The following AUTS2 variants were observed in gnomAD, a reference collection of about 807,000 sequenced individuals.
The protein encoded by AUTS2 is autism susceptibility gene 2 protein.
A neutral mutation model predicts 112.4 loss-of-function variants in AUTS2; 17 were observed. The ratio of observed to expected loss-of-function variants is 0.15; its 90% confidence interval spans 0.10 to 0.23. The LOEUF is 0.23. AUTS2 is among the 10% of genes least tolerant of loss of function. AUTS2 has a pLI of 1.00. For synonymous variants in AUTS2, 751 were observed against 702.7 expected, an observed-to-expected ratio of 1.07 and a Z score of -1.09; for missense variants, 1,510 against 1,701.6, an observed-to-expected ratio of 0.89 and a Z score of 1.98.
At chr7:69,636,708 A>G (rs1021562758) in intron 1 of AUTS2, among the ~76,000 whole-genome samples, 1 of 152,052 alleles carries the variant, frequency 6.6e-6, no homozygotes, top group Non-Finnish European at 1.5e-5. Flanking sequence ...GTTTTGTAGT[A>G]TGCTTTTTTT....
At chr7:69,847,452 G>A (rs1351084171) in intron 1 of AUTS2, among the ~76,000 whole-genome samples, 1 of 152,198 alleles carries the variant, frequency 6.6e-6, no homozygotes, top group African/African-American at 2.4e-5. Context: ...TGAGTTCAGA[G>A]TGTAACATCT....
At chr7:69,607,946 T>A (rs1462511109) in intron 1 of AUTS2, among the ~76,000 whole-genome samples, 1 of 152,196 alleles carries the variant, frequency 6.6e-6, no homozygotes, top group Non-Finnish European at 1.5e-5. Flanking sequence ...TTTATTTTGT[T>A]TTTTTGAGAC....
intron 5 of AUTS2, among the ~76,000 whole-genome samples, chr7:70,470,770 A>G (rs1797349235): frequency 2.0e-5 from 3 of 152,114 alleles, no homozygotes; most frequent in Admixed American, 2.0e-4. Flanking sequence ...CCCCACCGGG[A>G]GCAGCAGCAT....
intron 4 of AUTS2, among the ~76,000 whole-genome samples, chr7:70,349,121 T>G (rs1296597636): frequency 1.3e-5 from 2 of 152,144 alleles, no homozygotes; most frequent in Non-Finnish European, 2.9e-5. Context: ...ATGAACAAAC[T>G]GAGTCTTGAA....
At chr7:70,478,431 G>C (rs1199659131) in intron 5 of AUTS2, among the ~76,000 whole-genome samples, 2 of 152,034 alleles carry the variant, frequency 1.3e-5, no homozygotes, top group Admixed American at 6.5e-5. Context: ...TTATACTCAG[G>C]GGGTGAGAAT....
intron 5 of AUTS2, among the ~76,000 whole-genome samples, chr7:70,564,677 G>A (rs191115281): frequency 0.01 from 1,584 of 152,286 alleles, 23 homozygotes; most frequent in Middle Eastern, 0.027. Context: ...TTAGTTTCTG[G>A]TGGTTATAAA....
At chr7:70,530,458 T>A (rs1439726855) in intron 5 of AUTS2, among the ~76,000 whole-genome samples, 1 of 152,042 alleles carries the variant, frequency 6.6e-6, no homozygotes. Flanking sequence ...ACAATCATGG[T>A]AGTTAGCATT....
At chr7:70,666,473 AG>A (rs1471141568) in intron 5 of AUTS2, among the ~76,000 whole-genome samples, 1 of 152,160 alleles carries the variant, frequency 6.6e-6, no homozygotes, top group Non-Finnish European at 1.5e-5. Flanking sequence ...CACGACTGGA[AG>A]AAGGCGACAG....
intron 3 of AUTS2, among the ~76,000 whole-genome samples, chr7:70,125,245 ATGTGTGTGTGTGTGTG>A (rs59747508): frequency 0.083 from 12,001 of 144,878 alleles, 618 homozygotes; most frequent in African/African-American, 0.14. Flanking sequence ...TTATTTGGAG[ATGTGTGTGTGTGTGTG>A]TGTGTGTGTG....
intron 5 of AUTS2, among the ~76,000 whole-genome samples, chr7:70,670,974 C>T (rs1807606529): frequency 6.6e-6 from 1 of 152,098 alleles, no homozygotes; most frequent in Non-Finnish European, 1.5e-5. Flanking sequence ...GAGTTCAAGA[C>T]CAGCCTGGCC....
At chr7:69,927,158 C>T (rs1236679421) in intron 2 of AUTS2, among the ~76,000 whole-genome samples, 1 of 145,748 alleles carries the variant, frequency 6.9e-6, no homozygotes, top group South Asian at 2.1e-4. Context: ...TCAAACTTAA[C>T]ATTTGAATGG....
intron 5 of AUTS2, among the ~76,000 whole-genome samples, chr7:70,664,653 G>A (rs1000575869): frequency 6.6e-6 from 1 of 152,212 alleles, no homozygotes; most frequent in Non-Finnish European, 1.5e-5. Context: ...TTCCAGGAGA[G>A]AGAGTCACTG....
chr7:69,994,749 C>G (rs1798873665), intron 2 of AUTS2, among the ~76,000 whole-genome samples: 1 of 152,070 alleles, frequency 6.6e-6, no homozygotes, highest in Non-Finnish European at 1.5e-5. Context: ...GGTAGGCTCC[C>G]CAGGTACACT....
chr7:69,842,784 C>T (rs2129528797), intron 1 of AUTS2, among the ~76,000 whole-genome samples: 1 of 152,260 alleles, frequency 6.6e-6, no homozygotes, highest in South Asian at 2.1e-4. Context: ...AGCAACTGGA[C>T]TTGATTCAGG....
At chr7:70,689,233 C>T (rs901704909) in intron 5 of AUTS2, among the ~76,000 whole-genome samples, 2 of 152,066 alleles carry the variant, frequency 1.3e-5, no homozygotes, top group African/African-American at 2.4e-5. Context: ...TGTTGGTGCA[C>T]ACCTGTGGTC....
chr7:70,290,707 T>G lies in AUTS2; in HGVS notation c.661-145045T>G, dbSNP rs1373128784. ...TTCAGGTATCAGATCCTTTGACAAT[T>G]GTTAACCTGCCCAGCTGGGATTTTT... On this transcript the variant is annotated intron_variant, in intron 4 of 18. Coordinates refer to ENST00000342771, the MANE Select transcript of AUTS2 (RefSeq NM_015570.4). The G allele has an allele frequency of 7.1e-6, 9 of 1,276,546 alleles. No individual in the cohort carries two copies. The East Asian group carries it at 3.0e-4, about 43-fold the overall frequency. 79.1% of individuals were successfully genotyped at this position (1,276,546 alleles called of 1,614,324 possible). A position where few individuals can be genotyped will look rare whatever the true frequency, so the allele number is the denominator to read the frequency against.
chr7:70,667,864 T>G (rs1807425175), intron 5 of AUTS2, among the ~76,000 whole-genome samples: 1 of 152,236 alleles, frequency 6.6e-6, no homozygotes, highest in African/African-American at 2.4e-5. Context: ...ACCATTGCGG[T>G]CTTTGGACCT....
chr7:70,067,981 C>T (rs938835061), intron 2 of AUTS2, among the ~76,000 whole-genome samples: 1 of 151,974 alleles, frequency 6.6e-6, no homozygotes, highest in African/African-American at 2.4e-5. Flanking sequence ...AATAAGTGCA[C>T]ATAATATTTA....
intron 4 of AUTS2, among the ~76,000 whole-genome samples, chr7:70,215,832 G>A (rs1811138390): frequency 1.3e-5 from 2 of 152,174 alleles, no homozygotes; most frequent in East Asian, 1.9e-4. Flanking sequence ...GAGGTCATAA[G>A]CTCATAAAAT....
Sources: allele counts gnomAD v4.1 joint callset (sites outside exome capture counted in the v4.1 genomes callset), GRCh38; gene constraint gnomAD v4.1.1; transcripts MANE v1.5; gene names NCBI Gene and HGNC (gene_info 2026-07-23, HGNC 2026-07-21).